The following NRXN3 variants were observed in gnomAD, a reference collection of about 807,000 sequenced individuals.
NRXN3 encodes neurexin 3.
A neutral mutation model predicts 137.6 loss-of-function variants in NRXN3; 32 were observed. The ratio of observed to expected loss-of-function variants is 0.23; its 90% CI spans 0.18 to 0.31. The LOEUF (loss-of-function observed/expected upper bound fraction) is 0.31. Ranked by LOEUF, NRXN3 falls within the 10% of genes least tolerant of loss-of-function variation. The pLI, the probability that NRXN3 is intolerant of heterozygous loss-of-function variation, is 1.00. For synonymous variants in NRXN3, 798 were observed against 784.5 expected (o/e 1.02, Z -0.29); for missense variants, 1,574 against 2,062.5 (o/e 0.76, Z 4.59).
chr14:79,602,488 C>T (rs1170513119), intron 16 of NRXN3, among the ~76,000 whole-genome samples: 3 of 152,176 alleles, frequency 2.0e-5, no homozygotes, highest in Non-Finnish European at 4.4e-5. Flanking sequence ...TTTCCCATCT[C>T]TTCAGTTATT....
intron 15 of NRXN3, among the ~76,000 whole-genome samples, chr14:79,257,469 GTGATGGTGGTGA>G (rs2076848013): frequency 9.7e-5 from 3 of 30,936 alleles, no homozygotes; most frequent in East Asian, 1.1e-3. Flanking sequence ...GGTGGTGGTG[GTGATGGTGGTGA>G]TGGTGGTGAT....
chr14:78,442,496 G>A (rs1447945504), intron 4 of NRXN3, among the ~76,000 whole-genome samples: 1 of 152,198 alleles, frequency 6.6e-6, no homozygotes, highest in East Asian at 1.9e-4. Context: ...TTGGCCTCCA[G>A]AACTGTAAGA....
chr14:79,113,700 T>A (rs936380087), intron 15 of NRXN3, among the ~76,000 whole-genome samples: 1 of 152,220 alleles, frequency 6.6e-6, no homozygotes, highest in African/African-American at 2.4e-5. Context: ...ACAATCCAAC[T>A]TCTCAATGAT....
intron 15 of NRXN3, among the ~76,000 whole-genome samples, chr14:79,090,600 T>A (rs762474693): frequency 7.2e-5 from 11 of 152,104 alleles, no homozygotes; most frequent in Non-Finnish European, 1.0e-4. Context: ...TCTGTCACCA[T>A]GGCTTCATAT....
intron 4 of NRXN3, among the ~76,000 whole-genome samples, chr14:78,624,289 T>C (rs1034936051): frequency 7.2e-5 from 11 of 152,236 alleles, no homozygotes; most frequent in Non-Finnish European, 1.5e-4. Context: ...TTCACAGTTA[T>C]GTCTTGATTA....
At chr14:79,772,714 T>C (rs964902705) in intron 19 of NRXN3, among the ~76,000 whole-genome samples, 4 of 152,224 alleles carry the variant, frequency 2.6e-5, no homozygotes, top group African/African-American at 9.6e-5. Flanking sequence ...GACATAGGCA[T>C]GGGCAAGGAC....
At chr14:79,031,893 G>T (rs1265505038) in intron 15 of NRXN3, among the ~76,000 whole-genome samples, 3 of 152,226 alleles carry the variant, frequency 2.0e-5, no homozygotes, top group Non-Finnish European at 4.4e-5. Flanking sequence ...GCAGGAAAAA[G>T]CAATGGCTGC....
intron 10 of NRXN3, among the ~76,000 whole-genome samples, chr14:78,888,025 A>C (rs1028269389): frequency 6.6e-6 from 1 of 152,066 alleles, no homozygotes; most frequent in African/African-American, 2.4e-5. Flanking sequence ...ATATTTTGGC[A>C]TTCGGGAGTG....
chr14:79,034,602 G>T (rs4903812), intron 15 of NRXN3, among the ~76,000 whole-genome samples: 57,839 of 151,864 alleles, frequency 0.38, 11,554 homozygotes, highest in Admixed American at 0.49. Flanking sequence ...TAAAGTACTA[G>T]GAAAAACAAG....
chr14:79,033,004 G>A (rs1365451399), intron 15 of NRXN3, among the ~76,000 whole-genome samples: 1 of 152,050 alleles, frequency 6.6e-6, no homozygotes, highest in Non-Finnish European at 1.5e-5. Flanking sequence ...TACTATTGTT[G>A]CCACCTCTAG....
At chr14:79,141,717 G>A (rs764963859) in intron 15 of NRXN3, among the ~76,000 whole-genome samples, 10 of 152,170 alleles carry the variant, frequency 6.6e-5, no homozygotes, top group Non-Finnish European at 1.0e-4. Flanking sequence ...TACCACTTCT[G>A]TCTTGTCTCT....
chr14:78,769,914 G>A (rs1349292219), intron 8 of NRXN3, among the ~76,000 whole-genome samples: 1 of 151,958 alleles, frequency 6.6e-6, no homozygotes, highest in East Asian at 1.9e-4. Context: ...AGGGATGCCA[G>A]GGTGTGGAAA....
chr14:78,964,276 T>C (rs539744119), intron 11 of NRXN3, among the ~76,000 whole-genome samples: 1 of 152,284 alleles, frequency 6.6e-6, no homozygotes, highest in South Asian at 2.1e-4. Context: ...TAATTAGTAA[T>C]AACACACAAT....
At chr14:78,927,376 G>A (rs958075964) in intron 10 of NRXN3, among the ~76,000 whole-genome samples, 2 of 151,816 alleles carry the variant, frequency 1.3e-5, no homozygotes, top group Non-Finnish European at 2.9e-5. Flanking sequence ...TAAGGAGGAG[G>A]GTTTCCTCAG....
intron 1 of NRXN3, among the ~76,000 whole-genome samples, chr14:78,171,680 G>A (rs1396637011): frequency 1.4e-5 from 2 of 146,780 alleles, no homozygotes; most frequent in Non-Finnish European, 3.0e-5. Context: ...GGCCAGTGAT[G>A]TAATACCAAC....
chr14:79,138,282 T>C (rs1393566540), intron 15 of NRXN3, among the ~76,000 whole-genome samples: 1 of 152,100 alleles, frequency 6.6e-6, no homozygotes, highest in Admixed American at 6.6e-5. Flanking sequence ...TCCTCCTGAG[T>C]AGCTGGGACC....
chr14:78,878,478 G>A lies in NRXN3; in HGVS notation c.2275+68134G>A, dbSNP rs184521260. ...TTCTCAGTAACTGTTTTGTGTGTAGGTAATTTTAAGTGAAAGAAATTTTTT... is the reference window on the plus strand; with the variant it reads ...TTCTCAGTAACTGTTTTGTGTGTAGATAATTTTAAGTGAAAGAAATTTTTT... On this transcript the variant is annotated intron_variant, in intron 10 of 20. Transcript: ENST00000335750. 1.4e-4 allele frequency among the ~76,000 whole-genome samples: 21 copies of A among 152,200 alleles called. No individual in the cohort carries two copies. The East Asian group carries it at 4.1e-3, about 29-fold the overall frequency.
chr14:78,745,466 T>A (rs2152936709), intron 8 of NRXN3: 2 of 152,360 alleles, frequency 1.3e-5, no homozygotes, highest in South Asian at 4.1e-4. Context: ...CCACAGAGAG[T>A]TTGTTAGACT....
chr14:78,885,150 A>G (rs1567608734), intron 10 of NRXN3, among the ~76,000 whole-genome samples: 1 of 148,480 alleles, frequency 6.7e-6, no homozygotes, highest in African/African-American at 2.4e-5. Flanking sequence ...ATATATAAAT[A>G]TAAATTACAT....
Sources: allele counts gnomAD v4.1 joint callset (sites outside exome capture counted in the v4.1 genomes callset), GRCh38; gene constraint gnomAD v4.1.1; transcripts MANE v1.5; gene names NCBI Gene and HGNC (gene_info 2026-07-23, HGNC 2026-07-21).